Variants in SERINC3 observed in about 807,000 individuals in gnomAD.
SERINC3 encodes tumor differentially expressed protein 1.
Under a neutral mutation model 52.1 loss-of-function variants are expected in SERINC3, and 22 were observed. The ratio of observed to expected loss-of-function variants is 0.42; its 90% CI spans 0.30 to 0.60. SERINC3 has a LOEUF of 0.60. Among genes scored for constraint, SERINC3 ranks in the 20% least tolerant of loss-of-function variants. The pLI is 0.16. For synonymous variants in SERINC3, 226 were observed against 212.7 expected, an observed-to-expected ratio of 1.06 and a Z score of -0.54; for missense variants, 564 against 584.6, an observed-to-expected ratio of 0.96 and a Z score of 0.36.
intron 8 of SERINC3, among the ~76,000 whole-genome samples, chr20:44,502,665 G>A (rs60435021): frequency 6.6e-6 from 1 of 151,444 alleles, no homozygotes; most frequent in African/African-American, 2.4e-5. Context: ...CAGGTGGACT[G>A]TAGTAGTACA....
chr20:44,511,231 T>G (rs2064345425), intron 4 of SERINC3, 58 bp downstream of exon 4: 3 of 1,261,404 alleles, frequency 2.4e-6, no homozygotes, highest in Admixed American at 3.6e-5. Context: ...TAGCTTTAAC[T>G]CAATCATCTA....
chr20:44,516,531 A>G (rs1474176243), intron 1 of SERINC3, among the ~76,000 whole-genome samples: 1 of 151,774 alleles, frequency 6.6e-6, no homozygotes, highest in Non-Finnish European at 1.5e-5. Context: ...CTGGGATTAC[A>G]GGGATTACAG....
chr20:44,521,719 G>A (rs2064418004), intron 1 of SERINC3, among the ~76,000 whole-genome samples, 194 bp downstream of exon 1: 2 of 152,248 alleles, frequency 1.3e-5, no homozygotes, highest in South Asian at 2.1e-4. Context: ...GTTCCCCGAG[G>A]AACCCGGAGG....
At chr20:44,509,769 A>G (rs2064335672) in intron 5 of SERINC3, 122 bp downstream of exon 5, 1 of 1,069,790 alleles carries the variant, frequency 9.3e-7, no homozygotes. Flanking sequence ...GATTCAAGCC[A>G]TTCTCCCACC....
intron 5 of SERINC3, among the ~76,000 whole-genome samples, chr20:44,509,089 G>A (rs1460727429): frequency 6.6e-6 from 1 of 152,200 alleles, no homozygotes; most frequent in African/African-American, 2.4e-5. Flanking sequence ...AGAAATGTGT[G>A]CAAATGTATA....
At chr20:44,505,456 G>A in intron 6 of SERINC3, among the ~76,000 whole-genome samples, 1 of 114 alleles carries the variant, frequency 8.8e-3, no homozygotes, top group East Asian at 0.12. Context: ...TGAGTAGCTG[G>A]GATTACAGTG....
Position 44,499,943 on chromosome 20 carries a change from T to C in SERINC3, c.*353A>G, listed in dbSNP as rs2064269133. ...TAAAGGATACTGCAATATAAATATA[T>C]TAAGCATGGCCTCAAATATCCAACA... On this transcript the variant is annotated 3_prime_UTR_variant, in exon 10 of 10. Coordinates refer to ENST00000342374, the MANE Select transcript of SERINC3 (RefSeq NM_006811.4). 6.1e-6 allele frequency: 1 copy of C among 163,704 alleles called. No homozygotes were observed. The highest frequency in any genetic ancestry group is 2.4e-5 in the African/African-American group (1 of 41,762). 10.1% of individuals were successfully genotyped at this position (163,704 alleles called of 1,614,324 possible).
In SERINC3 at chr20:44,513,044, G is replaced by T. The variant is rs371794517; in HGVS notation, c.202-50C>A. On this transcript the variant is annotated intron_variant, in intron 2 of 9. Transcript: ENST00000342374. ...ACGAGAATATCTACATTTAGACAGA[G>T]ACTCTAACCCACTGCAGGAAAGCCT... 5 of 1,287,910 alleles carry T rather than the reference G, an allele frequency of 3.9e-6. No homozygotes were observed. The Admixed American group carries it at 1.5e-4, about 38-fold the overall frequency. 79.8% of individuals were successfully genotyped at this position (1,287,910 alleles called of 1,614,324 possible).
intron 6 of SERINC3, among the ~76,000 whole-genome samples, chr20:44,506,376 G>A (rs892182413): frequency 5.3e-5 from 8 of 150,624 alleles, no homozygotes; most frequent in Admixed American, 6.6e-5. Context: ...GGTGGATCAC[G>A]AGGTCAAGAG....
intron 6 of SERINC3, 76 bp downstream of exon 6, chr20:44,506,751 A>T (rs959719688): frequency 1.8e-5 from 18 of 1,006,576 alleles, no homozygotes; most frequent in African/African-American, 3.3e-5. Flanking sequence ...ACATAAATTC[A>T]TAAGAAAGGG....
chr20:44,517,177 A>G (rs868292929), intron 1 of SERINC3, among the ~76,000 whole-genome samples: 6 of 152,236 alleles, frequency 3.9e-5, no homozygotes, highest in African/African-American at 1.4e-4. Flanking sequence ...AGATGATGTC[A>G]GGAATATAAA....
intron 7 of SERINC3, 37 bp downstream of exon 7, chr20:44,504,764 T>C (rs776039813): frequency 6.6e-7 from 1 of 1,516,258 alleles, no homozygotes; most frequent in Non-Finnish European, 9.1e-7. Flanking sequence ...TCCTACTTTC[T>C]TTTTATCAAA....
chr20:44,518,406 T>C (rs374545473), intron 1 of SERINC3, among the ~76,000 whole-genome samples: 2 of 150,330 alleles, frequency 1.3e-5, no homozygotes, highest in East Asian at 3.9e-4. Context: ...CTTCAACAGA[T>C]GCAGAGGAAA....
In SERINC3 at chr20:44,506,854, A is replaced by G. The variant is rs1418872624; in HGVS notation, c.756T>C (p.Ser252=). 6.9e-6 allele frequency: 11 copies of G among 1,592,890 alleles called. No individual in the cohort carries two copies. The highest frequency in any genetic ancestry group is 9.4e-6 in the Non-Finnish European group (11 of 1,171,994). The change falls in exon 6 of 10, where the codon TCT becomes TCC. Residue 252 remains serine, a synonymous_variant. Transcript: ENST00000342374. ...GAATTTTTGGGTGGATCGATATAAT[A>G]GAAGCCACAACGCAAAGGATCAGGT... The part of the protein sequence containing the change: ...SINLILCVVA[S]IISIHPKIQE...
At position 44,501,234 on chromosome 20, in the gene SERINC3, A is replaced by C. The variant is rs773758414; in HGVS notation, c.1122T>G (p.Leu374=). 2 of 1,614,150 alleles carry C rather than the reference A, an allele frequency of 1.2e-6. No individual in the cohort carries two copies. The highest frequency in any genetic ancestry group is 8.5e-7 in the Non-Finnish European group (1 of 1,180,014). The part of the protein sequence containing the change: ...LTLSGSDSVI[L]GDTTTSGASD... The stretch of plus-strand genomic sequence containing the variant: ...TGGCACCACTGGTAGTTGTATCACC[A>C]AGGATGACGCTGTCACTCCCTGACA... Residue 374 remains leucine (L), a synonymous_variant, in exon 9 of 10, where the codon CTT becomes CTG. Transcript: ENST00000342374.
At chr20:44,514,721 A>T (rs2064369274) in intron 1 of SERINC3, among the ~76,000 whole-genome samples, 1 of 152,212 alleles carries the variant, frequency 6.6e-6, no homozygotes, top group Admixed American at 6.5e-5. Flanking sequence ...AGATTGCGCC[A>T]CTGCACTCCA....
At position 44,504,788 on chromosome 20, in the gene SERINC3, G is replaced by A. The variant is rs762537350; in HGVS notation, c.874+13C>T. ...CTTTTTATCAAATGAATGTGTTATTGACATTCCCTTACCAGGTTCATTGGA... is the reference window on the plus strand; with the variant it reads ...CTTTTTATCAAATGAATGTGTTATTAACATTCCCTTACCAGGTTCATTGGA... On this transcript the variant is annotated intron_variant, in intron 7 of 9. Coordinates refer to ENST00000342374, the MANE Select transcript of SERINC3 (RefSeq NM_006811.4). 1 of 1,586,618 alleles carries A rather than the reference G, an allele frequency of 6.3e-7. No homozygotes were observed. Among genetic ancestry groups the A allele is most frequent in the African/African-American group, 1.3e-5 (1 of 74,484 alleles).
intron 6 of SERINC3, among the ~76,000 whole-genome samples, chr20:44,506,303 C>T (rs1234176130): frequency 7.7e-6 from 1 of 129,884 alleles, no homozygotes; most frequent in East Asian, 2.4e-4. Context: ...AAAAAAAAGA[C>T]TCATTCCCGG....
Position 44,522,065 on chromosome 20 carries a change from C to G in SERINC3, c.-114G>C. The G allele has an allele frequency of 8.4e-7, 1 of 1,185,508 alleles. No homozygotes were observed. The allele number at this position is 1,185,508 out of a possible 1,614,324, so 73.4% of individuals were successfully genotyped here. On this transcript the variant is annotated 5_prime_UTR_variant, in exon 1 of 10. Coordinates refer to ENST00000342374, the MANE Select transcript of SERINC3 (RefSeq NM_006811.4). ...ACGGTTTCTCAGGCCGGAAACGCAG[C>G]CTTCCACAGACGCACGGATGCGTCA...
Sources: gnomAD v4.1 joint callset for allele counts (sites outside exome capture counted in the v4.1 genomes callset) on GRCh38, gnomAD v4.1.1 for gene constraint, MANE v1.5 for transcripts, NCBI Gene and HGNC (gene_info 2026-07-23, HGNC 2026-07-21) for gene names.